CDH13: variants seen among roughly 807,000 people sequenced by gnomAD.
CDH13 encodes cadherin 13, also known as cadherin-13.
In CDH13, 24 loss-of-function variants were observed where a neutral mutation model predicts 63.8. The ratio of observed to expected loss-of-function variants is 0.38; its 90% confidence interval spans 0.27 to 0.53. The LOEUF is 0.53. CDH13 is among the 20% of genes least tolerant of loss of function. CDH13 has a pLI of 0.85. For missense variants in CDH13, 1,049 were observed against 903.1 expected (o/e 1.16, Z -2.07); for synonymous variants, 503 against 355.3 (o/e 1.42, Z -4.67).
rs550880698 is a variant in CDH13, at chr16:83,184,552, C to G, written c.484-32793C>G. ...GGTGGATCAACTGAGGTCAGGATTT[C>G]AAGACCAGCCTGGCCAACATGGTGA... On this transcript the variant is annotated intron_variant, in intron 4 of 13. Transcript: ENST00000567109. Among the ~76,000 whole-genome samples, 78 of 152,230 alleles carry G rather than the reference C, an allele frequency of 5.1e-4. 1 individual carries two copies. Among genetic ancestry groups the G allele is most frequent in the African/African-American group, 1.8e-3 (76 of 41,556 alleles).
At chr16:83,683,517 C>A (rs540466263) in intron 10 of CDH13, among the ~76,000 whole-genome samples, 1 of 152,132 alleles carries the variant, frequency 6.6e-6, no homozygotes, top group Non-Finnish European at 1.5e-5. Context: ...TCCCAGTATA[C>A]GCTGAACAGC....
intron 2 of CDH13, among the ~76,000 whole-genome samples, chr16:82,917,687 G>C (rs1393860172): frequency 6.6e-5 from 10 of 152,098 alleles, no homozygotes; most frequent in Admixed American, 3.9e-4. Context: ...TGAGGCAGGC[G>C]GATCATTTGA....
At chr16:83,304,729 C>G (rs1597707332) in intron 5 of CDH13, among the ~76,000 whole-genome samples, 1 of 152,090 alleles carries the variant, frequency 6.6e-6, no homozygotes, top group Non-Finnish European at 1.5e-5. Flanking sequence ...AGGCATTCAG[C>G]AGGTGTCCTG....
intron 5 of CDH13, among the ~76,000 whole-genome samples, chr16:83,283,411 T>G (rs145875157): frequency 2.6e-5 from 4 of 152,042 alleles, no homozygotes; most frequent in African/African-American, 9.7e-5. Flanking sequence ...GCCAACATGG[T>G]GAAACCCTGT....
chr16:83,488,094 G>A (rs1322978272), intron 7 of CDH13, among the ~76,000 whole-genome samples: 2 of 152,198 alleles, frequency 1.3e-5, no homozygotes, highest in East Asian at 1.9e-4. Context: ...TGGGGTTATT[G>A]CAATTTTAAA....
At chr16:83,504,166 A>C (rs2074346073) in intron 7 of CDH13, among the ~76,000 whole-genome samples, 1 of 152,208 alleles carries the variant, frequency 6.6e-6, no homozygotes. Flanking sequence ...GAATGGACAT[A>C]GCCCATGCCA....
chr16:83,675,042 C>T (rs1567506683), intron 9 of CDH13, among the ~76,000 whole-genome samples: 1 of 152,138 alleles, frequency 6.6e-6, no homozygotes, highest in Non-Finnish European at 1.5e-5. Context: ...TTAAATTTCC[C>T]AGGGCAGTGG....
intron 10 of CDH13, among the ~76,000 whole-genome samples, chr16:83,693,494 C>T (rs1876952267): frequency 6.6e-6 from 1 of 152,162 alleles, no homozygotes; most frequent in African/African-American, 2.4e-5. Context: ...CAAGCCAGCC[C>T]CGGGTACCTC....
chr16:82,651,152 C>G (rs1160904335), intron 1 of CDH13, among the ~76,000 whole-genome samples: 1 of 152,184 alleles, frequency 6.6e-6, no homozygotes, highest in Non-Finnish European at 1.5e-5. Flanking sequence ...AGACTATGAA[C>G]AACCATCATT....
chr16:83,296,833 A>G (rs2089610449), intron 5 of CDH13, among the ~76,000 whole-genome samples: 1 of 152,348 alleles, frequency 6.6e-6, no homozygotes, highest in South Asian at 2.1e-4. Flanking sequence ...ACATGGGTAA[A>G]TGTACATCTT....
At chr16:82,795,987 C>G (rs371557075) in intron 1 of CDH13, among the ~76,000 whole-genome samples, 1 of 136,896 alleles carries the variant, frequency 7.3e-6, no homozygotes, top group African/African-American at 2.8e-5. Context: ...TATTGATCTT[C>G]TAATGTTTTT....
At chr16:83,162,664 T>A (rs1344640374) in intron 4 of CDH13, among the ~76,000 whole-genome samples, 1 of 151,950 alleles carries the variant, frequency 6.6e-6, no homozygotes, top group East Asian at 1.9e-4. Flanking sequence ...TGAATGAGCT[T>A]GTCAAAATGC....
intron 6 of CDH13, among the ~76,000 whole-genome samples, chr16:83,448,117 C>G (rs1213526555): frequency 6.6e-6 from 1 of 152,040 alleles, no homozygotes; most frequent in Non-Finnish European, 1.5e-5. Flanking sequence ...AGAGATATAA[C>G]TTTTAAATGA....
At chr16:83,433,065 A>C (rs545252734) in intron 6 of CDH13, among the ~76,000 whole-genome samples, 1 of 152,154 alleles carries the variant, frequency 6.6e-6, no homozygotes, top group Admixed American at 6.5e-5. Context: ...TTACTGTGTC[A>C]TGCTTCTGGG....
At chr16:83,565,802 C>A (rs902941963) in intron 7 of CDH13, among the ~76,000 whole-genome samples, 2 of 151,580 alleles carry the variant, frequency 1.3e-5, no homozygotes, top group Non-Finnish European at 2.9e-5. Context: ...TTTCTGGCTT[C>A]TGACTTTTCT....
At position 83,693,123 on chromosome 16, in the gene CDH13, C is replaced by G. The variant is rs547201538; in HGVS notation, c.1538+14662C>G. 2.1e-4 allele frequency among the ~76,000 whole-genome samples: 32 copies of G among 152,268 alleles called. 2 individuals carry two copies. In the South Asian group the frequency reaches 6.0e-3, roughly 29 times the overall value. Reference sequence around the variant, plus strand: ...AGAAAAGTACATAGCCAAGTGGCCACAACTGCCAGACTAGTGCCAGACTTC... The same window carrying G: ...AGAAAAGTACATAGCCAAGTGGCCAGAACTGCCAGACTAGTGCCAGACTTC... On this transcript the variant is annotated intron_variant, in intron 10 of 13. Transcript: ENST00000567109.
chr16:82,778,570 GAAAAAAAAA>G (rs11350020), intron 1 of CDH13, among the ~76,000 whole-genome samples: 2 of 85,786 alleles, frequency 2.3e-5, no homozygotes, highest in African/African-American at 4.7e-5. Flanking sequence ...ATCACGACCA[GAAAAAAAAA>G]AAAAAAAAAA....
At position 82,808,889 on chromosome 16, in the gene CDH13, G is replaced by A. The variant is rs150520550; in HGVS notation, c.46-49473G>A. 4.3e-3 allele frequency among the ~76,000 whole-genome samples: 657 copies of A among 152,158 alleles called. 3 individuals carry two copies. Among genetic ancestry groups the A allele is most frequent in the African/African-American group, 8.3e-3 (346 of 41,528 alleles). On this transcript the variant is annotated intron_variant, in intron 1 of 13. Coordinates refer to ENST00000567109, the MANE Select transcript of CDH13 (RefSeq NM_001257.5). ...ACTATTGTTTTTCATGATTACAAGCGTTTCTGTAGTGAGCATCCTTATACC... is the reference window on the plus strand; with the variant it reads ...ACTATTGTTTTTCATGATTACAAGCATTTCTGTAGTGAGCATCCTTATACC...
intron 7 of CDH13, among the ~76,000 whole-genome samples, chr16:83,568,375 C>T (rs1904307510): frequency 6.6e-6 from 1 of 152,144 alleles, no homozygotes; most frequent in South Asian, 2.1e-4. Flanking sequence ...GGTCCTTCTT[C>T]TTGAGTCTTG....
Sources: allele counts gnomAD v4.1 joint callset (sites outside exome capture counted in the v4.1 genomes callset), GRCh38; gene constraint gnomAD v4.1.1; transcripts MANE v1.5; gene names NCBI Gene and HGNC (gene_info 2026-07-23, HGNC 2026-07-21).